Variants in TRARG1 observed in about 807,000 individuals in gnomAD.
TRARG1 encodes trafficking regulator of GLUT4 1.
TRARG1 carries 16 observed loss-of-function variants against 13.3 expected under a neutral mutation model. That is an observed-to-expected ratio of 1.20 (90% confidence interval 0.81 to 1.83). The LOEUF is 1.83. Among genes scored for constraint, TRARG1 ranks in the 40% most tolerant of loss-of-function variants. The pLI, the probability that TRARG1 is intolerant of heterozygous loss-of-function variation, is 0.00. For synonymous variants in TRARG1, 113 were observed against 106.2 expected (o/e 1.06, Z -0.39); for missense variants, 250 against 237.4 (o/e 1.05, Z -0.35).
intron 1 of TRARG1, among the ~76,000 whole-genome samples, chr17:1,281,278 G>A (rs1026321263): frequency 6.6e-6 from 1 of 152,126 alleles, no homozygotes; most frequent in Non-Finnish European, 1.5e-5. Context: ...TGGGGAGAGG[G>A]AGAAGCAGGG....
chr17:1,282,260 ATG>A (rs144087014), intron 1 of TRARG1, among the ~76,000 whole-genome samples: 1,769 of 145,352 alleles, frequency 0.012, 157 homozygotes, highest in African/African-American at 0.038. Context: ...ATGTACGTAT[ATG>A]TACATATATG....
At chr17:1,282,312 G>GTATATATGTACGTATATGTACATATGCA (rs1567928391) in intron 1 of TRARG1, among the ~76,000 whole-genome samples, 6 of 150,542 alleles carry the variant, frequency 4.0e-5, no homozygotes, top group Admixed American at 1.3e-4. Context: ...GTACATATGC[G>GTATATATGTACGTATATGTACATATGCA]TATATATGTA....
At chr17:1,295,923 G>C (rs1043949702) in intron 2 of TRARG1, among the ~76,000 whole-genome samples, 2 of 152,216 alleles carry the variant, frequency 1.3e-5, no homozygotes, top group Non-Finnish European at 2.9e-5. Flanking sequence ...GATGGGCCTG[G>C]GACCAGGGTC....
intron 1 of TRARG1, among the ~76,000 whole-genome samples, chr17:1,295,119 G>T (rs900811517): frequency 1.3e-5 from 2 of 152,214 alleles, no homozygotes; most frequent in African/African-American, 4.8e-5. Context: ...CTTGCGCTGG[G>T]GTCCGGGGGC....
At chr17:1,280,854 G>C (rs980891686) in intron 1 of TRARG1, among the ~76,000 whole-genome samples, 4 of 152,194 alleles carry the variant, frequency 2.6e-5, no homozygotes, top group Non-Finnish European at 5.9e-5. Context: ...TGCCGGCTCC[G>C]GTTTCCAAGA....
rs989344259 is a variant in TRARG1, at chr17:1,279,838, C to T, written c.-164C>T. The T allele has an allele frequency of 2.6e-6, 2 of 764,272 alleles. No individual in the cohort carries two copies. The highest frequency in any genetic ancestry group is 6.1e-5 in the Admixed American group (2 of 33,042). The allele number at this position is 764,272 out of a possible 1,614,324, so 47.3% of individuals were successfully genotyped here. A position where few individuals can be genotyped will look rare whatever the true frequency, so the allele number is the denominator to read the frequency against. ...CTCTGAACTCAGCTGGCTTGAGAAGCTCAGCCCAACCCTTCCAGCACCCAG... is the reference window on the plus strand; with the variant it reads ...CTCTGAACTCAGCTGGCTTGAGAAGTTCAGCCCAACCCTTCCAGCACCCAG... On this transcript the variant is annotated 5_prime_UTR_variant, in exon 1 of 3. Coordinates refer to ENST00000333813, the MANE Select transcript of TRARG1 (RefSeq NM_172367.3).
rs1220816847 is a variant in TRARG1 at position 1,286,409 on chromosome 17, GGTT to G, written c.387+6025_387+6027del. 3.0e-5 allele frequency among the ~76,000 whole-genome samples: 3 copies of G among 101,188 alleles called. No homozygotes were observed. The Admixed American group carries it at 3.3e-4, about 11-fold the overall frequency. 66.4% of individuals were successfully genotyped at this position (101,188 alleles called of 152,430 possible). A position where few individuals can be genotyped will look rare whatever the true frequency, so the allele number is the denominator to read the frequency against. ...GCCTGTGGGGTGTTATCGGCCTGCG[GGTT>G]GTTATCAGCCTGTGGGGTGTTGTTG... On this transcript the variant is annotated intron_variant, in intron 1 of 2. Coordinates refer to ENST00000333813, the MANE Select transcript of TRARG1 (RefSeq NM_172367.3).
At chr17:1,292,846 G>A (rs1223626795) in intron 1 of TRARG1, among the ~76,000 whole-genome samples, 1 of 152,218 alleles carries the variant, frequency 6.6e-6, no homozygotes, top group Non-Finnish European at 1.5e-5. Context: ...CAGTGGGCCA[G>A]AAGTTCTGTG....
chr17:1,294,747 A>C (rs111896634), intron 1 of TRARG1, among the ~76,000 whole-genome samples: 1 of 132,010 alleles, frequency 7.6e-6, no homozygotes, highest in Non-Finnish European at 1.6e-5. Flanking sequence ...GTGCAGTGGC[A>C]CAATCTTGGC....
At chr17:1,287,878 C>T (rs1161390768) in intron 1 of TRARG1, among the ~76,000 whole-genome samples, 1 of 151,984 alleles carries the variant, frequency 6.6e-6, no homozygotes, top group Non-Finnish European at 1.5e-5. Context: ...GTCTTGAACT[C>T]TTGCCCTCAG....
intron 1 of TRARG1, among the ~76,000 whole-genome samples, chr17:1,283,609 C>T (rs1257881969): frequency 1.3e-5 from 2 of 148,306 alleles, no homozygotes; most frequent in East Asian, 4.1e-4. Flanking sequence ...GAGTTCGAGA[C>T]CAGCCTGGCC....
At chr17:1,281,929 T>C (rs2071975145) in intron 1 of TRARG1, among the ~76,000 whole-genome samples, 1 of 151,852 alleles carries the variant, frequency 6.6e-6, no homozygotes, top group Non-Finnish European at 1.5e-5. Context: ...TATATACATA[T>C]ACATACATGT....
intron 1 of TRARG1, among the ~76,000 whole-genome samples, chr17:1,288,725 G>A (rs1259185675): frequency 9.8e-5 from 3 of 30,526 alleles, no homozygotes; most frequent in African/African-American, 4.6e-4. Context: ...CATCCCCCAC[G>A]GGTTCCCCAT....
rs921899128 is a variant in TRARG1, at chr17:1,298,580, G to A, written c.*316G>A. Reference sequence around the variant, plus strand: ...AATTTCCTGGGTTCCACCAAGCAGCGAAAACTGCCAGGATGAATGAGGAAA... The same window carrying A: ...AATTTCCTGGGTTCCACCAAGCAGCAAAAACTGCCAGGATGAATGAGGAAA... On this transcript the variant is annotated 3_prime_UTR_variant, in exon 3 of 3. Transcript: ENST00000333813. The A allele has an allele frequency of 2.2e-5, 8 of 367,736 alleles. No homozygotes were observed. Among genetic ancestry groups the A allele is most frequent in the Non-Finnish European group, 3.4e-5 (7 of 205,888 alleles). 22.8% of individuals were successfully genotyped at this position (367,736 alleles called of 1,614,324 possible). A position where few individuals can be genotyped will look rare whatever the true frequency, so the allele number is the denominator to read the frequency against.
intron 1 of TRARG1, among the ~76,000 whole-genome samples, chr17:1,281,988 A>G (rs1220686843): frequency 2.6e-5 from 4 of 151,868 alleles, no homozygotes; most frequent in South Asian, 2.1e-4. Flanking sequence ...ACATATATGT[A>G]CATATATACA....
intron 1 of TRARG1, among the ~76,000 whole-genome samples, chr17:1,282,022 A>C (rs556886202): frequency 2.1e-5 from 3 of 142,352 alleles, no homozygotes; most frequent in Non-Finnish European, 4.7e-5. Context: ...GTACATATAC[A>C]TATGTACATA....
chr17:1,281,638 G>C (rs1199058338), intron 1 of TRARG1, among the ~76,000 whole-genome samples: 1 of 152,196 alleles, frequency 6.6e-6, no homozygotes, highest in African/African-American at 2.4e-5. Flanking sequence ...GCAGCTCTCT[G>C]TGATGCCTGC....
At chr17:1,284,578 C>T (rs746271392) in intron 1 of TRARG1, among the ~76,000 whole-genome samples, 3 of 152,340 alleles carry the variant, frequency 2.0e-5, no homozygotes, top group South Asian at 2.1e-4. Context: ...TTGTACCGAC[C>T]ATTCATTCAT....
At chr17:1,288,366 C>CTCCCCATCCCCCTTGGGT (rs2072039767) in intron 1 of TRARG1, among the ~76,000 whole-genome samples, 1 of 56,890 alleles carries the variant, frequency 1.8e-5, no homozygotes, top group Non-Finnish European at 2.9e-5. Flanking sequence ...CCCCCATGGG[C>CTCCCCATCCCCCTTGGGT]TCCCCATCCC....
Sources: gnomAD v4.1 joint callset for allele counts (sites outside exome capture counted in the v4.1 genomes callset) on GRCh38, gnomAD v4.1.1 for gene constraint, MANE v1.5 for transcripts, NCBI Gene and HGNC (gene_info 2026-07-23, HGNC 2026-07-21) for gene names.